The following USP5 variants were observed in gnomAD, a reference collection of about 807,000 sequenced individuals.
The protein encoded by USP5 is ubiquitin specific peptidase 5, also known as ubiquitin carboxyl-terminal hydrolase 5.
Under a neutral mutation model 102.5 loss-of-function variants are expected in USP5, and 24 were observed. The ratio of observed to expected loss-of-function variants is 0.23; its 90% CI spans 0.17 to 0.33. USP5 has a LOEUF of 0.33. Among genes scored for constraint, USP5 ranks in the 10% least tolerant of loss-of-function variants. The pLI, the probability that USP5 is intolerant of heterozygous loss-of-function variation, is 1.00. For synonymous variants in USP5, 460 were observed against 434.8 expected, an observed-to-expected ratio of 1.06 and a Z score of -0.72; for missense variants, 753 against 1,122.1, an observed-to-expected ratio of 0.67 and a Z score of 4.70.
chr12:6,856,151 G>A lies in USP5; in HGVS notation c.438+1G>A. On this transcript the variant is annotated splice_donor_variant, in intron 4 of 19. Transcript: ENST00000229268. LOFTEE classifies it high-confidence loss of function. The surrounding 1 kb of genome is among the most constrained non-coding windows in gnomAD (Gnocchi z 5.6). Reference sequence around the variant, plus strand: ...ACTGCCTGACATTGTCAGAGATCGGGTATGACTGCCCCCTATGCTACCCAA... The same window carrying A: ...ACTGCCTGACATTGTCAGAGATCGGATATGACTGCCCCCTATGCTACCCAA... 1 of 1,614,070 alleles carries A rather than the reference G, an allele frequency of 6.2e-7. No individual in the cohort carries two copies. Among genetic ancestry groups the A allele is most frequent in the Non-Finnish European group, 8.5e-7 (1 of 1,180,002 alleles).
In USP5 at chr12:6,852,904, C is replaced by T. The variant is rs140425478; in HGVS notation, c.111+614C>T. On this transcript the variant is annotated intron_variant, in intron 1 of 19. Transcript: ENST00000229268. ...CTTTGAAGTGAGCAATGGCCGCAGC[C>T]CCCACCCTTCCCCCCGCCCCCCAGC... Among the ~76,000 whole-genome samples, 613 of 151,970 alleles carry T rather than the reference C, an allele frequency of 4.0e-3. 5 individuals carry two copies. The highest frequency in any genetic ancestry group is 0.038 in the Middle Eastern group (11 of 292).
rs782102175 is a variant in USP5, at chr12:6,856,702, G to C, written c.585-5G>C. On this transcript the variant is annotated splice_polypyrimidine_tract_variant and splice_region_variant and intron_variant, in intron 5 of 19. Transcript: ENST00000229268. The surrounding 1 kb of genome is among the most constrained non-coding windows in gnomAD (Gnocchi z 5.6). The stretch of plus-strand genomic sequence containing the variant: ...TTTCTGCTGATTCTCTTCTCTGTGG[G>C]TTAGTGGCTGGAAGTGCTCCAAGTG... 1.2e-6 allele frequency: 2 copies of C among 1,613,820 alleles called. No homozygotes were observed. Among genetic ancestry groups the C allele is most frequent in the East Asian group, 2.2e-5 (1 of 44,892 alleles).
chr12:6,860,523 T>G lies in USP5; in HGVS notation c.1344+32T>G. The G allele has an allele frequency of 1.2e-6, 2 of 1,611,782 alleles. No individual in the cohort carries two copies. The highest frequency in any genetic ancestry group is 1.7e-6 in the Non-Finnish European group (2 of 1,179,598). On this transcript the variant is annotated intron_variant, in intron 11 of 19. Coordinates refer to ENST00000229268, the MANE Select transcript of USP5 (RefSeq NM_001098536.2). The surrounding 1 kb of genome is among the most constrained non-coding windows in gnomAD (Gnocchi z 5.5). ...GCTGGCAAGATGGCACACCCCCATC[T>G]TCCTGCAATTTACTCGCTCTCCTTC...
In USP5 at chr12:6,864,241, G is replaced by T. The variant is rs78835987; in HGVS notation, c.2244+46G>T. 1.3e-6 allele frequency: 2 copies of T among 1,538,040 alleles called. No individual in the cohort carries two copies. The highest frequency in any genetic ancestry group is 8.8e-7 in the Non-Finnish European group (1 of 1,142,274). On this transcript the variant is annotated intron_variant, in intron 17 of 19. Coordinates refer to ENST00000229268, the MANE Select transcript of USP5 (RefSeq NM_001098536.2). The surrounding 1 kb of genome is among the most constrained non-coding windows in gnomAD (Gnocchi z 4.8). ...GGACATGGGGCCAGTGGGGAAGAAG[G>T]GGGTGGGAATGAGGGGCCATCCTTC...
Position 6,852,167 on chromosome 12 carries a change from T to A in USP5, c.-13T>A. ...TGGGAGCCGCCGTGTGTGGAGAAGC[T>A]GCTGCCGGTGTCATGGCGGAGCTGA... On this transcript the variant is annotated 5_prime_UTR_variant, in exon 1 of 20. Transcript: ENST00000229268. The A allele has an allele frequency of 6.2e-7, 1 of 1,605,888 alleles. No individual in the cohort carries two copies. Among genetic ancestry groups the A allele is most frequent in the South Asian group, 1.1e-5 (1 of 89,130 alleles).
Position 6,860,245 on chromosome 12 carries a change from C to G in USP5, c.1218+7C>G, listed in dbSNP as rs1944239968. The G allele has an allele frequency of 1.2e-6, 2 of 1,611,582 alleles. No homozygotes were observed. Among genetic ancestry groups the G allele is most frequent in the African/African-American group, 1.3e-5 (1 of 74,676 alleles). On this transcript the variant is annotated splice_region_variant and intron_variant, in intron 10 of 19. Coordinates refer to ENST00000229268, the MANE Select transcript of USP5 (RefSeq NM_001098536.2). The surrounding 1 kb of genome is among the most constrained non-coding windows in gnomAD (Gnocchi z 5.5). ...GCGGGTGCCAGAACAGAAGGTGCGT[C>G]TAGGACCCTGTCCCTTTCAGGCCCT...
At chr12:6,854,179 A>G (rs148414360) in intron 1 of USP5, among the ~76,000 whole-genome samples, 128 of 152,314 alleles carry the variant, frequency 8.4e-4, no homozygotes, top group Non-Finnish European at 1.5e-3. Flanking sequence ...TGTTCTAGCT[A>G]TCTCAGCAAG....
chr12:6,860,551 G>GC lies in USP5; in HGVS notation c.1344+63dup, dbSNP rs1555129313. On this transcript the variant is annotated intron_variant, in intron 11 of 19. Transcript: ENST00000229268. This position sits in a 1 kb window ranked among gnomAD's most constrained non-coding sequence, Gnocchi z 5.5. Reference sequence around the variant, plus strand: ...CTGCAATTTACTCGCTCTCCTTCCTGCCCATTTCTCCCTCTATCAGCCCCA... The same window carrying GC: ...CTGCAATTTACTCGCTCTCCTTCCTGCCCCATTTCTCCCTCTATCAGCCCCA... 6.2e-7 allele frequency: 1 copy of GC among 1,604,246 alleles called. No homozygotes were observed. Among genetic ancestry groups the GC allele is most frequent in the African/African-American group, 1.3e-5 (1 of 74,866 alleles).
Position 6,855,617 on chromosome 12 carries a change from G to C in USP5, c.237+91G>C, listed in dbSNP as rs1944086506. 2 of 1,588,990 alleles carry C rather than the reference G, an allele frequency of 1.3e-6. No homozygotes were observed. Among genetic ancestry groups the C allele is most frequent in the South Asian group, 1.1e-5 (1 of 87,502 alleles). ...CAGTTTCTTTTTTTCACCTACTTTT[G>C]TGTCATTAAAGCTTGGCACAGATGT... is the stretch of plus-strand genomic sequence containing the variant. On this transcript the variant is annotated intron_variant, in intron 2 of 19. Transcript: ENST00000229268. The surrounding 1 kb of genome is among the most constrained non-coding windows in gnomAD (Gnocchi z 4.6).
chr12:6,864,083 G>T lies in USP5; in HGVS notation c.2132G>T (p.Ser711Ile), dbSNP rs1555130187. Reference protein sequence around the residue: ...FANPLILPGSSGPGSTSAAAD... With the variant: ...FANPLILPGSIGPGSTSAAAD... Reference sequence around the variant, plus strand: ...AACCCCCTCATCCTGCCTGGCTCTAGTGGGCCGGGCTCCACAAGCGCAGCA... The same window carrying T: ...AACCCCCTCATCCTGCCTGGCTCTATTGGGCCGGGCTCCACAAGCGCAGCA... Residue 711 changes from serine (S) to isoleucine (I), a missense_variant, in exon 17 of 20, where the codon AGT (serine) becomes ATT (isoleucine). Coordinates refer to ENST00000229268, the MANE Select transcript of USP5 (RefSeq NM_001098536.2). This position sits in a 1 kb window ranked among gnomAD's most constrained non-coding sequence, Gnocchi z 4.8. The T allele has an allele frequency of 6.2e-7, 1 of 1,613,082 alleles. No individual in the cohort carries two copies. Among genetic ancestry groups the T allele is most frequent in the South Asian group, 1.1e-5 (1 of 90,950 alleles).
At position 6,863,811 on chromosome 12, in the gene USP5, C is replaced by G. The variant is rs1944346184; in HGVS notation, c.1955-19C>G. 3.2e-6 allele frequency: 5 copies of G among 1,555,472 alleles called. No homozygotes were observed. Among genetic ancestry groups the G allele is most frequent in the Non-Finnish European group, 1.7e-6 (2 of 1,146,536 alleles). On this transcript the variant is annotated intron_variant, in intron 15 of 19. Coordinates refer to ENST00000229268, the MANE Select transcript of USP5 (RefSeq NM_001098536.2). The surrounding 1 kb of genome is among the most constrained non-coding windows in gnomAD (Gnocchi z 4.7). ...GTGGCCCAATCAGTCGGTCCGTGTA[C>G]CCACAATTCCCATTACAGCGCCCAT...
At position 6,865,294 on chromosome 12, in the gene USP5, A is replaced by G. The variant is rs782081648; in HGVS notation, c.2483+46A>G. On this transcript the variant is annotated intron_variant, in intron 19 of 19. Coordinates refer to ENST00000229268, the MANE Select transcript of USP5 (RefSeq NM_001098536.2). ...TTTTGAATGGAGAATGGTGGTGGGA[A>G]TGAGGAGGGCCATTTGGAAGTCCTT... 8.3e-6 allele frequency: 13 copies of G among 1,557,040 alleles called. No individual in the cohort carries two copies. In the South Asian group the frequency reaches 1.3e-4, roughly 16 times the overall value.
At chr12:6,857,600 C>G (rs1201472582) in intron 6 of USP5, 29 bp from the exon 7 acceptor site, 2 of 1,604,472 alleles carry the variant, frequency 1.2e-6, no homozygotes, top group East Asian at 2.2e-5. Flanking sequence ...AGCCACTTCC[C>G]CTGATTCTCT....
Position 6,855,915 on chromosome 12 carries a change from G to T in USP5, c.304+94G>T. On this transcript the variant is annotated intron_variant, in intron 3 of 19. Coordinates refer to ENST00000229268, the MANE Select transcript of USP5 (RefSeq NM_001098536.2). This position sits in a 1 kb window ranked among gnomAD's most constrained non-coding sequence, Gnocchi z 4.6. ...GCCCCAAAGAGTGGGCCTGATTGAT[G>T]GCCCTAGAACTCTGGATGGGGCAAG... 1 of 1,606,918 alleles carries T rather than the reference G, an allele frequency of 6.2e-7. No homozygotes were observed.
chr12:6,864,911 A>C lies in USP5; in HGVS notation c.2398+36A>C. The C allele has an allele frequency of 6.2e-7, 1 of 1,602,840 alleles. No homozygotes were observed. Among genetic ancestry groups the C allele is most frequent in the Non-Finnish European group, 8.5e-7 (1 of 1,173,556 alleles). On this transcript the variant is annotated intron_variant, in intron 18 of 19. Coordinates refer to ENST00000229268, the MANE Select transcript of USP5 (RefSeq NM_001098536.2). The surrounding 1 kb of genome is among the most constrained non-coding windows in gnomAD (Gnocchi z 4.8). The stretch of plus-strand genomic sequence containing the variant: ...CCAGGAAGCAGGACAGGCCTGGTGG[A>C]ATCTGGTCAGTCTACTACACCAGAT...
intron 1 of USP5, among the ~76,000 whole-genome samples, chr12:6,854,141 G>A (rs1449138580): frequency 4.6e-5 from 7 of 152,188 alleles, no homozygotes; most frequent in Non-Finnish European, 8.8e-5. Flanking sequence ...GTGGACACCC[G>A]TCTGTCCCTG....
intron 9 of USP5, 44 bp downstream of exon 9, chr12:6,859,585 G>A: frequency 1.3e-6 from 2 of 1,591,862 alleles, no homozygotes; most frequent in Non-Finnish European, 1.7e-6. Context: ...GACAGTCATG[G>A]CCGTATACCT....
At position 6,856,192 on chromosome 12, in the gene USP5, T is replaced by C. The variant is rs1565529974; in HGVS notation, c.438+42T>C. On this transcript the variant is annotated intron_variant, in intron 4 of 19. Transcript: ENST00000229268. This position sits in a 1 kb window ranked among gnomAD's most constrained non-coding sequence, Gnocchi z 5.6. Reference sequence around the variant, plus strand: ...TGCTACCCAAGATTCTAGAGCAAGATGGGCCAGGGTAGTGGTGTCTTAGGC... The same window carrying C: ...TGCTACCCAAGATTCTAGAGCAAGACGGGCCAGGGTAGTGGTGTCTTAGGC... 1 of 1,612,776 alleles carries C rather than the reference T, an allele frequency of 6.2e-7. No individual in the cohort carries two copies. Among genetic ancestry groups the C allele is most frequent in the Non-Finnish European group, 8.5e-7 (1 of 1,179,126 alleles).
In USP5 at chr12:6,856,796, A is replaced by T. The variant is rs1555128430; in HGVS notation, c.674A>T (p.Asp225Val). Residue 225 changes from aspartate (D) to valine (V), a missense_variant, in exon 6 of 20, where the codon GAT becomes GTT. Transcript: ENST00000229268. The surrounding 1 kb of genome is among the most constrained non-coding windows in gnomAD (Gnocchi z 5.6). ...ATCCTCTGTGGGCGACGCTACTTCG[A>T]TGGCAGTGGGGGCAACAACCACGCT... ...GSILCGRRYF[D>V]GSGGNNHAVE... 6.2e-7 allele frequency: 1 copy of T among 1,614,152 alleles called. No individual in the cohort carries two copies. Among genetic ancestry groups the T allele is most frequent in the South Asian group, 1.1e-5 (1 of 91,072 alleles).
Sources: gnomAD v4.1 joint callset for allele counts (sites outside exome capture counted in the v4.1 genomes callset) on GRCh38, gnomAD v4.1.1 for gene constraint, Gnocchi (gnomAD v3.1) non-coding constraint, MANE v1.5 for transcripts, NCBI Gene and HGNC (gene_info 2026-07-23, HGNC 2026-07-21) for gene names.